The following ALKBH7 variants were observed in gnomAD, a reference collection of about 807,000 sequenced individuals.
The protein encoded by ALKBH7 is alkB homolog 7, RNA demethylase.
Under a neutral mutation model 19.3 loss-of-function variants are expected in ALKBH7, and 21 were observed. The ratio of observed to expected loss-of-function variants is 1.09; its 90% CI spans 0.77 to 1.56. The LOEUF (loss-of-function observed/expected upper bound fraction) is 1.56. Among genes scored for constraint, ALKBH7 ranks in the 40% most tolerant of loss-of-function variants. The pLI is 0.00. For missense variants in ALKBH7, 354 were observed against 311.4 expected (o/e 1.14, Z -1.03); for synonymous variants, 147 against 139.5 (o/e 1.05, Z -0.38).
chr19:6,373,307 A>T (rs1468142373), intron 1 of ALKBH7, among the ~76,000 whole-genome samples: 1 of 60,860 alleles, frequency 1.6e-5, no homozygotes, highest in Non-Finnish European at 3.0e-5. Context: ...CAAAGGAGAC[A>T]GCGCAGGGAT....
chr19:6,374,361 C>T lies in ALKBH7; in HGVS notation c.363C>T (p.His121=). Residue 121 remains histidine (H), a synonymous_variant, in exon 2 of 4, where the codon CAC becomes CAT. Coordinates refer to ENST00000245812, the MANE Select transcript of ALKBH7 (RefSeq NM_032306.4). The part of the protein sequence containing the change: ...DLEARGYIKP[H]VDSIKFCGAT... ...AAGCCCGCGGCTACATCAAGCCCCA[C>T]GTGGACAGCATCAAGGTGGGCAGAG... 1 of 1,609,342 alleles carries T rather than the reference C, an allele frequency of 6.2e-7. No individual in the cohort carries two copies. Among genetic ancestry groups the T allele is most frequent in the Non-Finnish European group, 8.5e-7 (1 of 1,178,152 alleles).
chr19:6,373,595 G>A, intron 1 of ALKBH7: 1 of 1,225,684 alleles, frequency 8.2e-7, no homozygotes. Flanking sequence ...CCAAGCTTGG[G>A]GCGGGGTCCG....
Position 6,374,345 on chromosome 19 carries a change from G to T in ALKBH7, c.347G>T (p.Gly116Val). The T allele has an allele frequency of 3.1e-6, 5 of 1,610,642 alleles. No individual in the cohort carries two copies. The highest frequency in any genetic ancestry group is 4.2e-6 in the Non-Finnish European group (5 of 1,178,966). ...SVHVLDLEAR[G>V]YIKPHVDSIK... is the part of the protein sequence containing the mutation. ...CACGTGCTGGACCTGGAAGCCCGCG[G>T]CTACATCAAGCCCCACGTGGACAGC... Residue 116 changes from glycine (G) to valine (V), a missense_variant, in exon 2 of 4, where the codon GGC becomes GTC. Physicochemically the swap from Gly to Val is moderately radical, Grantham distance 109. Coordinates refer to ENST00000245812, the MANE Select transcript of ALKBH7 (RefSeq NM_032306.4).
Position 6,374,856 on chromosome 19 carries a change from A to C in ALKBH7, c.549A>C (p.Glu183Asp). ...TCTCCCATGAGATCCTTCGGGATGA[A>C]GAGTCCTTCTTTGGGGAACGCCGGA... ...YDFSHEILRD[E>D]ESFFGERRIP... The change falls in exon 4 of 4, where the codon GAA becomes GAC. Residue 183 changes from glutamate (E) to aspartate (D), a missense_variant. Physicochemically the swap from Glu to Asp is conservative, Grantham distance 45. Transcript: ENST00000245812. 1 of 1,614,072 alleles carries C rather than the reference A, an allele frequency of 6.2e-7. No individual in the cohort carries two copies. The highest frequency in any genetic ancestry group is 8.5e-7 in the Non-Finnish European group (1 of 1,179,964).
Position 6,372,810 on chromosome 19 carries a change from G to T in ALKBH7, c.-11G>T. On this transcript the variant is annotated 5_prime_UTR_variant, in exon 1 of 4. Coordinates refer to ENST00000245812, the MANE Select transcript of ALKBH7 (RefSeq NM_032306.4). ...CAACCCTGCCCTCTCTCATGACCCC[G>T]CTCCGGGATTATGGCCGGGACTGGG... The T allele has an allele frequency of 6.5e-7, 1 of 1,540,110 alleles. No individual in the cohort carries two copies.
intron 1 of ALKBH7, chr19:6,373,807 G>C: frequency 1.5e-6 from 2 of 1,290,750 alleles, no homozygotes; most frequent in Non-Finnish European, 2.0e-6. Flanking sequence ...TCTGGCTGTG[G>C]GAGGGGCGGG....
chr19:6,373,841 G>T, intron 1 of ALKBH7: 1 of 1,311,992 alleles, frequency 7.6e-7, no homozygotes, highest in Non-Finnish European at 9.7e-7. Flanking sequence ...GGACCTTGGG[G>T]TCAGGGAGAG....
At chr19:6,374,146 C>A in intron 1 of ALKBH7, 57 bp from the exon 2 acceptor site, 1 of 1,588,322 alleles carries the variant, frequency 6.3e-7, no homozygotes, top group Non-Finnish European at 8.5e-7. Context: ...CCCCTCCTTG[C>A]CTCAGTTTCC....
intron 1 of ALKBH7, 59 bp downstream of exon 1, chr19:6,373,083 A>G (rs1431170345): frequency 5.3e-6 from 8 of 1,511,864 alleles, no homozygotes; most frequent in Non-Finnish European, 7.1e-6. Flanking sequence ...CGGCCTGGGG[A>G]CGTGGAGCAT....
In ALKBH7 at chr19:6,374,094, G is replaced by A. The variant is rs571628750; in HGVS notation, c.205-109G>A. On this transcript the variant is annotated intron_variant, in intron 1 of 3. Coordinates refer to ENST00000245812, the MANE Select transcript of ALKBH7 (RefSeq NM_032306.4). ...TAGGGGAGTTTGAGTTGAGGGCAGG[G>A]TCAAGAGTCACATAGGGAAACCAGC... The A allele has an allele frequency of 4.7e-5, 73 of 1,565,616 alleles. No homozygotes were observed. In the African/African-American group the frequency reaches 7.9e-4, roughly 17 times the overall value.
In ALKBH7 at chr19:6,374,977, C is replaced by G; in HGVS notation, c.*4C>G. 6.3e-7 allele frequency: 1 copy of G among 1,588,346 alleles called. No homozygotes were observed. Among genetic ancestry groups the G allele is most frequent in the Non-Finnish European group, 8.6e-7 (1 of 1,164,734 alleles). ...ACAGCCGCCCCCAGCCTGCTGACCCCCAGCTTTCTACAGACACCAGATTTG... is the reference window on the plus strand; with the variant it reads ...ACAGCCGCCCCCAGCCTGCTGACCCGCAGCTTTCTACAGACACCAGATTTG... On this transcript the variant is annotated 3_prime_UTR_variant, in exon 4 of 4. Transcript: ENST00000245812.
At chr19:6,373,249 CA>C (rs1416785595) in intron 1 of ALKBH7, among the ~76,000 whole-genome samples, 2 of 86,976 alleles carry the variant, frequency 2.3e-5, no homozygotes, top group African/African-American at 9.0e-5. Flanking sequence ...GTTGTGGGGC[CA>C]GGGGGGTCGG....
chr19:6,373,484 G>C, intron 1 of ALKBH7: 1 of 547,752 alleles, frequency 1.8e-6, no homozygotes, highest in Non-Finnish European at 2.8e-6. Context: ...GTCGGGTGTA[G>C]GGTTGGGGTG....
Position 6,374,354 on chromosome 19 carries a change from A to G in ALKBH7, c.356A>G (p.Lys119Arg), listed in dbSNP as rs752115424. Reference protein sequence around the residue: ...VLDLEARGYIKPHVDSIKFCG... With the variant: ...VLDLEARGYIRPHVDSIKFCG... ...GACCTGGAAGCCCGCGGCTACATCAAGCCCCACGTGGACAGCATCAAGGTG... is the reference window on the plus strand; with the variant it reads ...GACCTGGAAGCCCGCGGCTACATCAGGCCCCACGTGGACAGCATCAAGGTG... The change falls in exon 2 of 4, where the codon AAG becomes AGG. Residue 119 changes from lysine (K) to arginine (R), a missense_variant. By Grantham distance (26) the Lys-to-Arg change is conservative (BLOSUM62 2). Coordinates refer to ENST00000245812, the MANE Select transcript of ALKBH7 (RefSeq NM_032306.4). The G allele has an allele frequency of 1.9e-6, 3 of 1,610,314 alleles. No homozygotes were observed. The highest frequency in any genetic ancestry group is 1.7e-4 in the Middle Eastern group (1 of 6,032).
chr19:6,373,169 G>C (rs922295321), intron 1 of ALKBH7, 145 bp downstream of exon 1: 54 of 1,156,364 alleles, frequency 4.7e-5, no homozygotes, highest in Non-Finnish European at 6.3e-5. Context: ...ACGAGCGCCG[G>C]GACCGGGCAG....
Position 6,374,357 on chromosome 19 carries a change from CCCACGTGGACAG to C in ALKBH7, c.361_372del (p.His121_Ser124del). 1.2e-6 allele frequency: 2 copies of C among 1,609,322 alleles called. No individual in the cohort carries two copies. The highest frequency in any genetic ancestry group is 1.7e-6 in the Non-Finnish European group (2 of 1,178,174). On this transcript the variant is annotated inframe_deletion, in exon 2 of 4. Coordinates refer to ENST00000245812, the MANE Select transcript of ALKBH7 (RefSeq NM_032306.4). ...CTGGAAGCCCGCGGCTACATCAAGCCCCACGTGGACAGCATCAAGGTGGGCAGAGGACGGTGC... is the reference window on the plus strand; with the variant it reads ...CTGGAAGCCCGCGGCTACATCAAGCCCATCAAGGTGGGCAGAGGACGGTGC...
chr19:6,374,328 G>A lies in ALKBH7; in HGVS notation c.330G>A (p.Leu110=). 1 of 1,611,804 alleles carries A rather than the reference G, an allele frequency of 6.2e-7. No individual in the cohort carries two copies. Residue 110 remains leucine, a synonymous_variant, in exon 2 of 4, where the codon CTG becomes CTA. Coordinates refer to ENST00000245812, the MANE Select transcript of ALKBH7 (RefSeq NM_032306.4). ...CCCTGCTCTCCTCCGTGCACGTGCT[G>A]GACCTGGAAGCCCGCGGCTACATCA... ...GQTLLSSVHV[L]DLEARGYIKP... is the part of the protein sequence containing the mutation.
rs766500747 is a variant in ALKBH7 at position 6,373,034 on chromosome 19, G to A, written c.204+10G>A. 7.7e-6 allele frequency: 12 copies of A among 1,554,794 alleles called. No homozygotes were observed. In the South Asian group the frequency reaches 1.2e-4, roughly 15 times the overall value. On this transcript the variant is annotated intron_variant, in intron 1 of 3. Transcript: ENST00000245812. Reference sequence around the variant, plus strand: ...CGATCACTGGGACGCGGTGAGACCGGCAGCGCCGGGGGCGAGGGACGGGGG... The same window carrying A: ...CGATCACTGGGACGCGGTGAGACCGACAGCGCCGGGGGCGAGGGACGGGGG...
In ALKBH7 at chr19:6,373,042, G is replaced by T. The variant is rs560142431; in HGVS notation, c.204+18G>T. 1.3e-6 allele frequency: 2 copies of T among 1,548,244 alleles called. No individual in the cohort carries two copies. The highest frequency in any genetic ancestry group is 2.0e-5 in the Admixed American group (1 of 51,042). On this transcript the variant is annotated intron_variant, in intron 1 of 3. Transcript: ENST00000245812. ...GGGACGCGGTGAGACCGGCAGCGCC[G>T]GGGGCGAGGGACGGGGGCTCGTCGG...
Sources: gnomAD v4.1 joint callset for allele counts (sites outside exome capture counted in the v4.1 genomes callset) on GRCh38, gnomAD v4.1.1 for gene constraint, MANE v1.5 for transcripts, NCBI Gene and HGNC (gene_info 2026-07-23, HGNC 2026-07-21) for gene names.